The following ZBBX variants were observed in gnomAD, a reference collection of about 807,000 sequenced individuals.
The protein encoded by ZBBX is zinc finger B-box domain containing, also known as zinc finger B-box domain-containing protein 1.
Under a neutral mutation model 108.5 loss-of-function variants are expected in ZBBX, and 101 were observed. That is an observed-to-expected ratio of 0.93 (90% CI 0.79 to 1.10). The LOEUF (loss-of-function observed/expected upper bound fraction) is 1.10, where lower values mean the gene tolerates loss of function less well. Ranked by LOEUF, ZBBX falls within the 50% of genes least tolerant of loss-of-function variation. ZBBX has a pLI of 0.00. For synonymous variants in ZBBX, 356 were observed against 323.4 expected (o/e 1.10, Z -1.08); for missense variants, 1,009 against 941.4 (o/e 1.07, Z -0.94).
chr3:167,268,672 C>A (rs1037906283), intron 20 of ZBBX, among the ~76,000 whole-genome samples: 2 of 152,058 alleles, frequency 1.3e-5, no homozygotes, highest in Non-Finnish European at 2.9e-5. Context: ...TGTTAAAACT[C>A]CACTTTGTCA....
At chr3:167,220,371 A>G in the ZBBX span, among the ~76,000 whole-genome samples, 1 of 152,078 alleles carries the variant, frequency 6.6e-6, no homozygotes, top group Admixed American at 6.6e-5. Context: ...ACAACACATT[A>G]AAAAGATCAT....
In ZBBX at chr3:167,367,176, C is replaced by T. The variant is rs139570021; in HGVS notation, c.183-1200G>A. The stretch of plus-strand genomic sequence containing the variant: ...TTTGGTGATATTTAGTACCAGCAAA[C>T]GGACATGAAACATGCACTCTCATAC... On this transcript the variant is annotated intron_variant, in intron 5 of 21. Transcript: ENST00000675490. Among the ~76,000 whole-genome samples the T allele has an allele frequency of 1.9e-3, 284 of 151,872 alleles. 1 individual carries two copies. The highest frequency in any genetic ancestry group is 0.014 in the Middle Eastern group (4 of 294).
rs778298074 is a variant in ZBBX at position 167,365,926 on chromosome 3, T to G, written c.233A>C (p.Gln78Pro). ...KSGKVGKLVN[Q>P]SYMMSQNKGN... ...TTTATTTTGTGACATCATATATGAT[T>G]GATTGACCAATTTGCCCACTTTTCC... The change falls in exon 6 of 22, where the codon CAA becomes CCA. Residue 78 changes from glutamine to proline, a missense_variant. By Grantham distance (76) the Gln-to-Pro change is moderately conservative (BLOSUM62 -1). Transcript: ENST00000675490. 1 of 1,609,730 alleles carries G rather than the reference T, an allele frequency of 6.2e-7. No individual in the cohort carries two copies. Among genetic ancestry groups the G allele is most frequent in the Admixed American group, 1.7e-5 (1 of 59,846 alleles).
the ZBBX span, among the ~76,000 whole-genome samples, chr3:167,191,068 C>T: frequency 1.3e-5 from 2 of 152,186 alleles, no homozygotes; most frequent in African/African-American, 4.8e-5. Context: ...ACCTACCAAC[C>T]TTTCTCTGTT....
intron 1 of ZBBX, chr3:167,392,694 T>C (rs951282488): frequency 5.3e-5 from 8 of 151,794 alleles, no homozygotes; most frequent in Admixed American, 4.6e-4. Flanking sequence ...CAGGTGCTCA[T>C]CTAAAACTCA....
chr3:167,344,362 A>G (rs1172070061), intron 9 of ZBBX, among the ~76,000 whole-genome samples: 1 of 151,894 alleles, frequency 6.6e-6, no homozygotes, highest in Non-Finnish European at 1.5e-5. Flanking sequence ...ATTGTGTGGT[A>G]TATGAATTAT....
intron 2 of ZBBX, among the ~76,000 whole-genome samples, chr3:167,377,684 T>A (rs541720277): frequency 4.6e-5 from 7 of 151,744 alleles, no homozygotes; most frequent in East Asian, 1.9e-4. Context: ...ATATATATAT[T>A]TTTTAAAATA....
At chr3:167,383,226 G>T (rs1447088793), upstream of ZBBX, among the ~76,000 whole-genome samples, 1 of 152,018 alleles carries the variant, frequency 6.6e-6, no homozygotes, top group Non-Finnish European at 1.5e-5. Flanking sequence ...ATAGGCAAAA[G>T]TTTGTGGGCA....
At chr3:167,248,617 C>A (rs1196379811) in intron 20 of ZBBX, 2 of 456,582 alleles carry the variant, frequency 4.4e-6, no homozygotes, top group East Asian at 1.4e-4. Context: ...CCTTTTCAGT[C>A]CCAAACTGGA....
rs115389093 is a variant in ZBBX, at chr3:167,247,991, A to C, written c.2255-5348T>G. ...AAATGGCTTTTATCTCTTTCTTTAT[A>C]ATGTTAAGAGTTTTGCTACAGGCTA... is the stretch of plus-strand genomic sequence containing the variant. On this transcript the variant is annotated intron_variant, in intron 20 of 21. Coordinates refer to ENST00000675490, the MANE Select transcript of ZBBX (RefSeq NM_001199201.2). Among the ~76,000 whole-genome samples, 881 of 152,238 alleles carry C rather than the reference A, an allele frequency of 5.8e-3. 6 individuals carry two copies. Among genetic ancestry groups the C allele is most frequent in the African/African-American group, 0.021 (857 of 41,536 alleles).
intron 16 of ZBBX, among the ~76,000 whole-genome samples, chr3:167,311,183 G>T (rs1006099923): frequency 2.0e-5 from 3 of 152,004 alleles, no homozygotes; most frequent in Non-Finnish European, 4.4e-5. Flanking sequence ...TTTGAGAGAA[G>T]AATAAAGGCA....
chr3:167,391,213 G>A (rs963196383), intron 1 of ZBBX, among the ~76,000 whole-genome samples: 5 of 151,924 alleles, frequency 3.3e-5, no homozygotes, highest in South Asian at 2.1e-4. Flanking sequence ...GAATTTTGTC[G>A]AAGGCCTTTT....
Position 167,287,916 on chromosome 3 carries a change from T to C in ZBBX, c.1996+951A>G, listed in dbSNP as rs149477347. On this transcript the variant is annotated intron_variant, in intron 19 of 21. Coordinates refer to ENST00000675490, the MANE Select transcript of ZBBX (RefSeq NM_001199201.2). ...TAGCCAGAGAGTTTTAATCATAGATTTTAGGGCAAGAGAGACATATATATC... is the reference window on the plus strand; with the variant it reads ...TAGCCAGAGAGTTTTAATCATAGATCTTAGGGCAAGAGAGACATATATATC... 2.3e-3 allele frequency among the ~76,000 whole-genome samples: 343 copies of C among 152,156 alleles called. 1 individual carries two copies. The highest frequency in any genetic ancestry group is 3.6e-3 in the Non-Finnish European group (246 of 67,960).
At chr3:167,182,024 T>C in the ZBBX span, among the ~76,000 whole-genome samples, 2,354 of 152,226 alleles carry the variant, frequency 0.015, 22 homozygotes, top group Non-Finnish European at 0.024. Context: ...AAACTTAGAG[T>C]GACACTGATT....
chr3:167,190,812 A>T, the ZBBX span, among the ~76,000 whole-genome samples: 1 of 152,224 alleles, frequency 6.6e-6, no homozygotes, highest in East Asian at 1.9e-4. Context: ...CAGAGTGCTG[A>T]CAAGAGGATG....
Position 167,288,857 on chromosome 3 carries a change from T to C in ZBBX, c.1996+10A>G, listed in dbSNP as rs1234597295. ...CCAACATGGCACTGCTGCCTTTGAG[T>C]CAATGTTACCCATCTTTTGCTGTTT... On this transcript the variant is annotated intron_variant, in intron 19 of 21. Transcript: ENST00000675490. 3 of 1,520,736 alleles carry C rather than the reference T, an allele frequency of 2.0e-6. No homozygotes were observed. The highest frequency in any genetic ancestry group is 2.7e-6 in the Non-Finnish European group (3 of 1,127,282). The allele number at this position is 1,520,736 out of a possible 1,614,324, so 94.2% of individuals were successfully genotyped here. A position where few individuals can be genotyped will look rare whatever the true frequency, so the allele number is the denominator to read the frequency against.
chr3:167,286,059 A>G lies in ZBBX; in HGVS notation c.1996+2808T>C, dbSNP rs540924745. Among the ~76,000 whole-genome samples, 18 of 152,304 alleles carry G rather than the reference A, an allele frequency of 1.2e-4. No individual in the cohort carries two copies. In the South Asian group the frequency reaches 3.7e-3, roughly 32 times the overall value. ...GGAACTCAAGAGACCAGCACTAGAT[A>G]GGGTGGTGCCAGAAGGTCTCTCTAT... On this transcript the variant is annotated intron_variant, in intron 19 of 21. Transcript: ENST00000675490.
intron 10 of ZBBX, among the ~76,000 whole-genome samples, chr3:167,330,883 A>AAGAAGAAGAAGAAGT (rs1738414756): frequency 1.5e-5 from 2 of 133,392 alleles, no homozygotes; most frequent in Non-Finnish European, 3.3e-5. Flanking sequence ...GAAGAAGAAG[A>AAGAAGAAGAAGAAGT]AGAAGAAGAA....
intron 6 of ZBBX, among the ~76,000 whole-genome samples, chr3:167,361,678 C>A (rs889017246): frequency 1.3e-5 from 2 of 152,104 alleles, no homozygotes; most frequent in African/African-American, 4.8e-5. Context: ...CTAAACACAG[C>A]AGAAAAGAAA....
Sources: gnomAD v4.1 joint callset for allele counts (sites outside exome capture counted in the v4.1 genomes callset) on GRCh38, gnomAD v4.1.1 for gene constraint, MANE v1.5 for transcripts, NCBI Gene and HGNC (gene_info 2026-07-23, HGNC 2026-07-21) for gene names.